Variants in PFKFB1 observed in about 807,000 individuals in gnomAD.
PFKFB1 encodes 6-phosphofructo-2-kinase/fructose-2,6-bisphosphatase 1.
A neutral mutation model predicts 46.4 loss-of-function variants in PFKFB1; 34 were observed. The observed-to-expected ratio is 0.73, with a 90% CI of 0.56 to 0.98. The LOEUF is 0.98. PFKFB1 is among the 50% of genes least tolerant of loss of function. The pLI is 0.00. For missense variants in PFKFB1, 393 were observed against 376.3 expected, an observed-to-expected ratio of 1.04 and a Z score of -0.37; for synonymous variants, 119 against 133.8, an observed-to-expected ratio of 0.89 and a Z score of 0.76.
chrX:54,981,386 T>A (rs1441956778), intron 1 of PFKFB1, among the ~76,000 whole-genome samples: 2 of 111,723 alleles, frequency 1.8e-5, no homozygotes, highest in African/African-American at 6.5e-5. Flanking sequence ...GCAGTTGACT[T>A]CTCAACAACA....
chrX:54,952,516 C>T (rs1241150352), intron 7 of PFKFB1, among the ~76,000 whole-genome samples: 2 of 110,112 alleles, frequency 1.8e-5, no homozygotes, highest in Non-Finnish European at 3.8e-5. Context: ...ACTCCTCTAC[C>T]CTTTCTGATC....
intron 9 of PFKFB1, among the ~76,000 whole-genome samples, chrX:54,947,329 T>C (rs1372432869): frequency 8.9e-6 from 1 of 111,733 alleles, no homozygotes; most frequent in Admixed American, 9.5e-5. Context: ...GTCTACCCTA[T>C]TTAGCCTGAA....
At position 54,937,883 on chromosome X, in the gene PFKFB1, T is replaced by C. The variant is rs150652822; in HGVS notation, c.1099-159A>G. 7.2e-4 allele frequency among the ~76,000 whole-genome samples: 81 copies of C among 112,056 alleles called. No individual in the cohort carries two copies. In the East Asian group the frequency reaches 0.021, roughly 29 times the overall value. On this transcript the variant is annotated intron_variant, in intron 10 of 13. Transcript: ENST00000375006. The stretch of plus-strand genomic sequence containing the variant: ...TAGGCAACTCACTTCCTTCTTAGGG[T>C]CTTAGTTTCATTATCTGCTAAATGG...
chrX:54,994,703 C>T, upstream of PFKFB1: 4 of 754,749 alleles, frequency 5.3e-6, no homozygotes, highest in Non-Finnish European at 6.3e-6. Context: ...CATCCCTTGT[C>T]TTCTCTGGAT....
chrX:54,968,214 C>A (rs1934531036), intron 1 of PFKFB1, among the ~76,000 whole-genome samples: 1 of 68,741 alleles, frequency 1.5e-5, no homozygotes, highest in Middle Eastern at 6.0e-3. Flanking sequence ...AGTAAACTAT[C>A]TCAAGAACAA....
rs150213595 is a variant in PFKFB1 at position 54,963,358 on chromosome X, G to A, written c.122C>T (p.Ser41Phe). 1.7e-4 allele frequency: 210 copies of A among 1,207,590 alleles called. No individual in the cohort carries two copies. The highest frequency in any genetic ancestry group is 3.2e-4 in the South Asian group (18 of 56,719). Residue 41 changes from serine to phenylalanine, a missense_variant, in exon 2 of 14, where the codon TCC becomes TTC. Transcript: ENST00000375006. ...ACCCACCATGATCACCATTGTGGGGGAATTGGTAAACTGGGGTATGGATGC... is the reference window on the plus strand; with the variant it reads ...ACCCACCATGATCACCATTGTGGGGAAATTGGTAAACTGGGGTATGGATGC... The part of the protein sequence containing the change: ...RGSSIPQFTN[S>F]PTMVIMVGLP...
At chrX:54,950,093 C>T (rs1933925433) in intron 8 of PFKFB1, among the ~76,000 whole-genome samples, 1 of 112,149 alleles carries the variant, frequency 8.9e-6, no homozygotes, top group Non-Finnish European at 1.9e-5. Flanking sequence ...GTGATTTCCT[C>T]CTCTGTGTAT....
upstream of PFKFB1, among the ~76,000 whole-genome samples, chrX:54,997,732 G>T (rs898149222): frequency 9.0e-6 from 1 of 111,516 alleles, no homozygotes; most frequent in Non-Finnish European, 1.9e-5. Flanking sequence ...CTCACCCACT[G>T]TCCTGGCCCA....
intron 1 of PFKFB1, among the ~76,000 whole-genome samples, chrX:54,975,568 A>C (rs1365594809): frequency 1.8e-5 from 2 of 111,114 alleles, no homozygotes; most frequent in Non-Finnish European, 3.8e-5. Context: ...AAAATCTCAG[A>C]AACCATCACT....
At chrX:54,998,610 C>A (rs1935389840), upstream of PFKFB1, 1 of 430,099 alleles carries the variant, frequency 2.3e-6, no homozygotes, top group African/African-American at 2.5e-5. Flanking sequence ...TTGTAGTTGC[C>A]AAAGACGTTC....
rs766404997 is a variant in PFKFB1 at position 54,934,361 on chromosome X, G to T, written c.1292-476C>A. ...GACAATGTGGTTGTGGCAACACCAGGAGTATGGAAGTTCACCTGGGAGTTT... is the reference window on the plus strand; with the variant it reads ...GACAATGTGGTTGTGGCAACACCAGTAGTATGGAAGTTCACCTGGGAGTTT... On this transcript the variant is annotated intron_variant, in intron 12 of 13. Coordinates refer to ENST00000375006, the MANE Select transcript of PFKFB1 (RefSeq NM_002625.4). 1.3e-4 allele frequency among the ~76,000 whole-genome samples: 14 copies of T among 111,793 alleles called. No homozygotes were observed. The South Asian group carries it at 3.8e-3, about 30-fold the overall frequency.
At chrX:54,993,127 A>G (rs1276914987) in intron 1 of PFKFB1, among the ~76,000 whole-genome samples, 1 of 111,751 alleles carries the variant, frequency 8.9e-6, no homozygotes, top group Admixed American at 9.4e-5. Flanking sequence ...TCAGGCCACA[A>G]TCCCTGGGCT....
chrX:54,936,825 G>C (rs949049850), intron 11 of PFKFB1, among the ~76,000 whole-genome samples: 1 of 111,666 alleles, frequency 9.0e-6, no homozygotes, highest in Non-Finnish European at 1.9e-5. Flanking sequence ...TAGCATCGTA[G>C]AAAAGATCCA....
chrX:54,962,910 T>C (rs1934359252), intron 2 of PFKFB1, among the ~76,000 whole-genome samples: 1 of 112,000 alleles, frequency 8.9e-6, no homozygotes, highest in South Asian at 3.7e-4. Flanking sequence ...GAAGTGGTAA[T>C]GCTAATAAAA....
chrX:54,935,826 C>A (rs1013543131), intron 11 of PFKFB1, among the ~76,000 whole-genome samples: 4 of 111,621 alleles, frequency 3.6e-5, no homozygotes, highest in Non-Finnish European at 7.5e-5. Flanking sequence ...GCTAGGCACT[C>A]TCTCCTGACA....
At chrX:54,961,260 G>T (rs947863765) in intron 2 of PFKFB1, among the ~76,000 whole-genome samples, 1 of 110,773 alleles carries the variant, frequency 9.0e-6, no homozygotes, top group African/African-American at 3.3e-5. Flanking sequence ...TATCATAAAT[G>T]CCAATCCTTA....
At chrX:54,968,989 T>C (rs2146649999) in intron 1 of PFKFB1, among the ~76,000 whole-genome samples, 1 of 111,930 alleles carries the variant, frequency 8.9e-6, no homozygotes, top group Admixed American at 9.5e-5. Flanking sequence ...AAATGAAATT[T>C]GGCTATATAT....
chrX:54,958,780 C>A (rs1233298885), intron 5 of PFKFB1, 71 bp downstream of exon 5: 36 of 710,976 alleles, frequency 5.1e-5, no homozygotes, highest in Non-Finnish European at 7.4e-5. Flanking sequence ...CTCTGAGTCC[C>A]CTGGTTTGCC....
intron 1 of PFKFB1, among the ~76,000 whole-genome samples, chrX:54,971,613 A>G (rs1431334703): frequency 3.6e-5 from 4 of 111,228 alleles, no homozygotes; most frequent in African/African-American, 1.3e-4. Context: ...CCCATTGCTT[A>G]TTTTTCTCAG....
Sources: gnomAD v4.1 joint callset for allele counts (sites outside exome capture counted in the v4.1 genomes callset) on GRCh38, gnomAD v4.1.1 for gene constraint, MANE v1.5 for transcripts, NCBI Gene and HGNC (gene_info 2026-07-23, HGNC 2026-07-21) for gene names.